Variants in GABRB2 observed in about 807,000 individuals in gnomAD.
GABRB2 encodes the protein gamma-aminobutyric acid receptor subunit beta-2.
A neutral mutation model predicts 54.7 loss-of-function variants in GABRB2; 16 were observed. That is an observed-to-expected ratio of 0.29 (90% CI 0.20 to 0.44). The LOEUF is 0.44. Among genes scored for constraint, GABRB2 ranks in the 20% least tolerant of loss-of-function variants. The probability of loss-of-function intolerance (pLI) is 1.00; values close to 1 mark genes in which losing one functional copy is unlikely to be tolerated. For synonymous variants in GABRB2, 244 were observed against 233.8 expected (o/e 1.04, Z -0.40); for missense variants, 355 against 644.0 (o/e 0.55, Z 4.86).
intron 5 of GABRB2, among the ~76,000 whole-genome samples, chr5:161,389,621 G>C (rs1404169070): frequency 6.6e-6 from 1 of 151,292 alleles, no homozygotes; most frequent in African/African-American, 2.4e-5. Context: ...GAAACAGAGA[G>C]AAAGAGAAAT....
intron 7 of GABRB2, among the ~76,000 whole-genome samples, chr5:161,332,712 A>C (rs1001330522): frequency 5.3e-5 from 8 of 152,172 alleles, no homozygotes; most frequent in African/African-American, 1.9e-4. Flanking sequence ...AACACTATCC[A>C]ATAACGCATC....
intron 5 of GABRB2, among the ~76,000 whole-genome samples, chr5:161,403,674 A>G (rs1474877725): frequency 2.0e-5 from 3 of 152,180 alleles, no homozygotes; most frequent in Non-Finnish European, 4.4e-5. Context: ...CCAAAAGGAT[A>G]TTCCATGAGA....
At position 161,545,406 on chromosome 5, in the gene GABRB2, C is replaced by A. The variant is rs533269303; in HGVS notation, c.170-112G>T. 551 of 489,270 alleles carry A rather than the reference C, an allele frequency of 1.1e-3. 2 individuals carry two copies. Among genetic ancestry groups the A allele is most frequent in the Non-Finnish European group, 1.6e-3 (493 of 303,944 alleles). 30.3% of individuals were successfully genotyped at this position (489,270 alleles called of 1,614,324 possible). A position where few individuals can be genotyped will look rare whatever the true frequency, so the allele number is the denominator to read the frequency against. The stretch of plus-strand genomic sequence containing the variant: ...CCAAAACCCTTCTGCACTACTCAAT[C>A]TCAAATTTTTCAATTCTCTGCTTTT... On this transcript the variant is annotated intron_variant, in intron 2 of 9. Coordinates refer to ENST00000393959, the MANE Select transcript of GABRB2 (RefSeq NM_001371727.1).
intron 3 of GABRB2, among the ~76,000 whole-genome samples, chr5:161,464,658 G>A (rs77158954): frequency 0.022 from 3,416 of 152,154 alleles, 61 homozygotes; most frequent in Non-Finnish European, 0.034. Flanking sequence ...TTCTTCAGCC[G>A]ATACAGGGAT....
chr5:161,344,812 T>C (rs1020923622), intron 5 of GABRB2, among the ~76,000 whole-genome samples: 1 of 152,038 alleles, frequency 6.6e-6, no homozygotes. Context: ...AATCAATGGA[T>C]AGACTGGAAA....
chr5:161,488,527 G>GA (rs1581028128), intron 3 of GABRB2, among the ~76,000 whole-genome samples: 1 of 151,662 alleles, frequency 6.6e-6, no homozygotes, highest in East Asian at 1.9e-4. Context: ...TCTAGGCTGA[G>GA]AAAAAAGATA....
chr5:161,455,959 C>A (rs1158294913), intron 4 of GABRB2, among the ~76,000 whole-genome samples: 1 of 152,062 alleles, frequency 6.6e-6, no homozygotes, highest in Admixed American at 6.6e-5. Flanking sequence ...TGTTTTAATA[C>A]CTGAAGATTT....
chr5:161,514,625 G>A (rs947179394), intron 3 of GABRB2, among the ~76,000 whole-genome samples: 2 of 151,856 alleles, frequency 1.3e-5, no homozygotes, highest in South Asian at 4.1e-4. Context: ...ATCCATATAA[G>A]GTGTACTGCC....
intron 5 of GABRB2, among the ~76,000 whole-genome samples, chr5:161,367,751 C>A (rs1161080763): frequency 1.3e-5 from 2 of 152,082 alleles, no homozygotes; most frequent in African/African-American, 4.8e-5. Flanking sequence ...AAAAATGTTA[C>A]CACATGTTCC....
chr5:161,327,108 A>T, intron 8 of GABRB2: 1 of 341,786 alleles, frequency 2.9e-6, no homozygotes, highest in Non-Finnish European at 4.1e-6. Context: ...AATAGGAAAG[A>T]CTCTCCTAGC....
intron 5 of GABRB2, among the ~76,000 whole-genome samples, chr5:161,363,428 G>A (rs916327672): frequency 5.3e-5 from 8 of 152,100 alleles, no homozygotes; most frequent in African/African-American, 1.7e-4. Context: ...ACCTAATGCA[G>A]ATGACGGGTT....
At chr5:161,348,174 C>A (rs1308203817) in intron 5 of GABRB2, among the ~76,000 whole-genome samples, 1 of 151,860 alleles carries the variant, frequency 6.6e-6, no homozygotes, top group Non-Finnish European at 1.5e-5. Flanking sequence ...TTAAGGATTA[C>A]AAAATAATTT....
At chr5:161,361,969 G>A (rs958127874) in intron 5 of GABRB2, among the ~76,000 whole-genome samples, 1 of 152,082 alleles carries the variant, frequency 6.6e-6, no homozygotes, top group African/African-American at 2.4e-5. Flanking sequence ...GTAAGGTAGG[G>A]GTCCAGTTTC....
intron 9 of GABRB2, among the ~76,000 whole-genome samples, chr5:161,319,123 C>T (rs1758131388): frequency 6.8e-6 from 1 of 146,722 alleles, no homozygotes; most frequent in African/African-American, 2.5e-5. Flanking sequence ...ATTTTATTAG[C>T]TGTTTTTTTT....
At chr5:161,470,718 G>C (rs1401473599) in intron 3 of GABRB2, among the ~76,000 whole-genome samples, 1 of 151,918 alleles carries the variant, frequency 6.6e-6, no homozygotes, top group Non-Finnish European at 1.5e-5. Flanking sequence ...TCAATTTACA[G>C]TTTATGAATT....
At chr5:161,420,684 G>C (rs774856245) in intron 4 of GABRB2, among the ~76,000 whole-genome samples, 1 of 152,212 alleles carries the variant, frequency 6.6e-6, no homozygotes, top group Non-Finnish European at 1.5e-5. Context: ...TGGCAACCTG[G>C]GGATTCTATC....
At chr5:161,525,906 G>A (rs891600371) in intron 3 of GABRB2, among the ~76,000 whole-genome samples, 1 of 151,156 alleles carries the variant, frequency 6.6e-6, no homozygotes, top group African/African-American at 2.4e-5. Context: ...GTGTGTAGAG[G>A]TGAGTGTACA....
intron 3 of GABRB2, among the ~76,000 whole-genome samples, chr5:161,476,416 G>T (rs2113312109): frequency 6.6e-6 from 1 of 151,812 alleles, no homozygotes; most frequent in South Asian, 2.1e-4. Flanking sequence ...TAGCACTATG[G>T]TATTTATTTT....
At chr5:161,518,273 T>C (rs1009098171) in intron 3 of GABRB2, among the ~76,000 whole-genome samples, 4 of 152,216 alleles carry the variant, frequency 2.6e-5, no homozygotes, top group Non-Finnish European at 5.9e-5. Context: ...GCAGTCATTT[T>C]TCAGAAACCC....
Sources: gnomAD v4.1 joint callset for allele counts (sites outside exome capture counted in the v4.1 genomes callset) on GRCh38, gnomAD v4.1.1 for gene constraint, MANE v1.5 for transcripts, NCBI Gene and HGNC (gene_info 2026-07-23, HGNC 2026-07-21) for gene names.